Variants in NOP58 observed in about 807,000 individuals in gnomAD.
NOP58 encodes the protein NOP58 ribonucleoprotein, also known as nucleolar protein 58.
NOP58 carries 44 observed loss-of-function variants against 71.2 expected under a neutral mutation model. The observed-to-expected ratio is 0.62, with a 90% confidence interval of 0.49 to 0.79. The LOEUF (loss-of-function observed/expected upper bound fraction) is 0.79, where lower values mean the gene tolerates loss of function less well. NOP58 is among the 30% of genes least tolerant of loss of function. The pLI is 0.00. For synonymous variants in NOP58, 228 were observed against 200.3 expected, an observed-to-expected ratio of 1.14 and a Z score of -1.17; for missense variants, 538 against 620.2, an observed-to-expected ratio of 0.87 and a Z score of 1.41.
At position 202,292,815 on chromosome 2, in the gene NOP58, A is replaced by G. The variant is rs16839032; in HGVS notation, c.819A>G (p.Glu273=). The change falls in exon 9 of 15, where the codon GAA becomes GAG. Residue 273 remains glutamate, a synonymous_variant. Coordinates refer to ENST00000264279, the MANE Select transcript of NOP58 (RefSeq NM_015934.5). ...EISEYRTQLY[E]YLQNRMMAIA... is the part of the protein sequence containing the mutation. ...CTGAATATCGAACCCAGCTCTATGA[A>G]TATCTACAAAATCGAATGATGGCCA... is the stretch of plus-strand genomic sequence containing the variant. The G allele has an allele frequency of 0.012, 18,560 of 1,612,878 alleles. 161 individuals carry two copies. Among genetic ancestry groups the G allele is most frequent in the Non-Finnish European group, 0.011 (13,398 of 1,178,832 alleles).
At chr2:202,296,428 C>G (rs1194667772) in intron 10 of NOP58, among the ~76,000 whole-genome samples, 1 of 152,150 alleles carries the variant, frequency 6.6e-6, no homozygotes, top group Non-Finnish European at 1.5e-5. Context: ...GTCTCAAACT[C>G]CTGACCTCCT....
chr2:202,275,396 C>G (rs1688575133), intron 2 of NOP58: 2 of 466,478 alleles, frequency 4.3e-6, no homozygotes, highest in Non-Finnish European at 7.8e-6. Flanking sequence ...AGTAGTCTCC[C>G]CCTTACCCAC....
chr2:202,277,592 C>CTTT (rs1224441101), intron 2 of NOP58, among the ~76,000 whole-genome samples: 1 of 151,836 alleles, frequency 6.6e-6, no homozygotes, highest in East Asian at 1.9e-4. Context: ...CATGAGATTC[C>CTTT]TAAAAAGGAC....
At chr2:202,296,182 A>G (rs1436042676) in intron 10 of NOP58, among the ~76,000 whole-genome samples, 1 of 151,678 alleles carries the variant, frequency 6.6e-6, no homozygotes, top group East Asian at 1.9e-4. Flanking sequence ...ATGCTAAAAC[A>G]CTTTGAGAGA....
At chr2:202,291,561 C>G (rs148585524) in intron 8 of NOP58, 20,057 of 200,398 alleles carry the variant, frequency 0.1, 1,217 homozygotes, top group South Asian at 0.2. Context: ...AATCCCCGCA[C>G]TTTGGAAGGC....
At chr2:202,293,148 T>C (rs769258705) in intron 9 of NOP58, 1 of 684,258 alleles carries the variant, frequency 1.5e-6, no homozygotes, top group Non-Finnish European at 2.7e-6. Flanking sequence ...TGGTCCATTG[T>C]TAGAAGTTTG....
intron 12 of NOP58, among the ~76,000 whole-genome samples, chr2:202,299,254 G>A (rs893823285): frequency 4.6e-5 from 7 of 151,992 alleles, no homozygotes; most frequent in East Asian, 1.9e-4. Context: ...CACAGCACCC[G>A]GCCTCCTTCA....
chr2:202,287,721 A>G lies in NOP58; in HGVS notation c.496A>G (p.Ile166Val), dbSNP rs1215484470. The change falls in exon 6 of 15, where the codon ATT becomes GTT. Residue 166 changes from isoleucine (I) to valine (V), a missense_variant. Ile to Val is a conservative substitution (Grantham distance 29). Coordinates refer to ENST00000264279, the MANE Select transcript of NOP58 (RefSeq NM_015934.5). ...DKVDTMIVQA[I>V]SLLDDLDKEL... The stretch of plus-strand genomic sequence containing the variant: ...AGTAGACACAATGATTGTTCAGGCA[A>G]TTTGTAAGTATAGTACATGCAAAGT... 5 of 1,607,104 alleles carry G rather than the reference A, an allele frequency of 3.1e-6. No individual in the cohort carries two copies. Among genetic ancestry groups the G allele is most frequent in the Non-Finnish European group, 4.3e-6 (5 of 1,173,702 alleles).
intron 1 of NOP58, among the ~76,000 whole-genome samples, chr2:202,272,771 T>G (rs1312931860): frequency 6.6e-6 from 1 of 152,172 alleles, no homozygotes; most frequent in Non-Finnish European, 1.5e-5. Context: ...TGAGTAAAAT[T>G]CACATTTTTT....
chr2:202,273,091 C>T (rs1688536582), intron 1 of NOP58, among the ~76,000 whole-genome samples: 1 of 152,298 alleles, frequency 6.6e-6, no homozygotes, highest in Middle Eastern at 3.4e-3. Context: ...TGCCATTGCA[C>T]TCCAGCCTGG....
In NOP58 at chr2:202,279,399, C is replaced by G. The variant is rs142727438; in HGVS notation, c.175+1397C>G. 1.2e-3 allele frequency among the ~76,000 whole-genome samples: 180 copies of G among 152,284 alleles called. 1 individual carries two copies. The highest frequency in any genetic ancestry group is 3.3e-3 in the African/African-American group (139 of 41,566). On this transcript the variant is annotated intron_variant, in intron 3 of 14. Transcript: ENST00000264279. ...CATAATTGTTATTTAATTCTTGAAT[C>G]CTGTGAGGCAGATAACCATCATCTC... is the stretch of plus-strand genomic sequence containing the variant.
chr2:202,299,747 A>C (rs1332086221), intron 12 of NOP58: 1 of 152,144 alleles, frequency 6.6e-6, no homozygotes, highest in Non-Finnish European at 1.5e-5. Context: ...GTTCTATGGA[A>C]TCTTTTCCAT....
chr2:202,290,584 G>T, intron 7 of NOP58, 127 bp downstream of exon 7: 2 of 779,110 alleles, frequency 2.6e-6, no homozygotes, highest in South Asian at 3.6e-5. Context: ...TATTTGGGAA[G>T]TGTAGCAGTT....
intron 5 of NOP58, among the ~76,000 whole-genome samples, chr2:202,286,468 G>A (rs1016045473): frequency 3.3e-5 from 5 of 152,146 alleles, no homozygotes; most frequent in Non-Finnish European, 5.9e-5. Flanking sequence ...TTGCTCCACT[G>A]CACTCCAGCC....
chr2:202,301,007 C>T (rs1052876862), intron 13 of NOP58, among the ~76,000 whole-genome samples: 56 of 152,262 alleles, frequency 3.7e-4, no homozygotes, highest in African/African-American at 1.3e-3. Flanking sequence ...GGATAGTATA[C>T]TTGATAGAGA....
intron 3 of NOP58, among the ~76,000 whole-genome samples, chr2:202,280,323 AAAG>A (rs773089535): frequency 1.3e-5 from 2 of 152,048 alleles, no homozygotes; most frequent in Non-Finnish European, 2.9e-5. Flanking sequence ...CCCTCTCAAA[AAAG>A]ATTTTTTTTT....
At chr2:202,299,640 T>C (rs1009582379) in intron 12 of NOP58, among the ~76,000 whole-genome samples, 1 of 149,920 alleles carries the variant, frequency 6.7e-6, no homozygotes, top group Admixed American at 6.7e-5. Flanking sequence ...TTAGTACTTT[T>C]TACTTTAAAC....
intron 13 of NOP58, among the ~76,000 whole-genome samples, chr2:202,301,808 G>T (rs1041100800): frequency 1.3e-5 from 2 of 151,886 alleles, no homozygotes; most frequent in Admixed American, 6.6e-5. Context: ...CCTCTTCTAG[G>T]TGTTTGCCGA....
At chr2:202,273,248 A>G (rs1257022887) in intron 1 of NOP58, among the ~76,000 whole-genome samples, 1 of 152,256 alleles carries the variant, frequency 6.6e-6, no homozygotes, top group Non-Finnish European at 1.5e-5. Context: ...AGACTATGTT[A>G]TGTCAGCCAA....
Sources: allele counts gnomAD v4.1 joint callset (sites outside exome capture counted in the v4.1 genomes callset), GRCh38; gene constraint gnomAD v4.1.1; transcripts MANE v1.5; gene names NCBI Gene and HGNC (gene_info 2026-07-23, HGNC 2026-07-21).